Variants in NSMCE2 observed in about 807,000 individuals in gnomAD.
NSMCE2 encodes E3 SUMO-protein ligase NSE2.
NSMCE2 carries 24 observed loss-of-function variants against 23.8 expected under a neutral mutation model. The ratio of observed to expected loss-of-function variants is 1.01; its 90% CI spans 0.73 to 1.42. The LOEUF (loss-of-function observed/expected upper bound fraction) is 1.42. Ranked by LOEUF, NSMCE2 falls within the 40% of genes most tolerant of loss-of-function variation. The probability of loss-of-function intolerance (pLI) is 0.00; values close to 1 mark genes in which losing one functional copy is unlikely to be tolerated. For missense variants in NSMCE2, 284 were observed against 296.5 expected (o/e 0.96, Z 0.31); for synonymous variants, 92 against 94.1 (o/e 0.98, Z 0.13).
chr8:125,358,234 G>C (rs534521052), intron 7 of NSMCE2, among the ~76,000 whole-genome samples: 15 of 152,002 alleles, frequency 9.9e-5, no homozygotes, highest in Admixed American at 7.2e-4. Context: ...TCGGGAGGCT[G>C]AGGCAGGATA....
chr8:125,110,116 C>T (rs934151656), intron 3 of NSMCE2, among the ~76,000 whole-genome samples: 2 of 151,074 alleles, frequency 1.3e-5, no homozygotes, highest in African/African-American at 4.8e-5. Flanking sequence ...TAATGTACCT[C>T]AAAGATGTAA....
intron 4 of NSMCE2, among the ~76,000 whole-genome samples, chr8:125,159,045 T>C (rs1306583467): frequency 6.6e-6 from 1 of 152,188 alleles, no homozygotes; most frequent in African/African-American, 2.4e-5. Flanking sequence ...AGCACCTCAT[T>C]CTGAGTTGTG....
chr8:125,156,724 A>G (rs1261462297), intron 4 of NSMCE2, among the ~76,000 whole-genome samples: 3 of 152,216 alleles, frequency 2.0e-5, no homozygotes, highest in Non-Finnish European at 4.4e-5. Flanking sequence ...AACCAAAGCA[A>G]TCTTAGATAT....
chr8:125,171,402 T>G lies in NSMCE2; in HGVS notation c.265-10701T>G, dbSNP rs369446234. On this transcript the variant is annotated intron_variant, in intron 4 of 7. Coordinates refer to ENST00000287437, the MANE Select transcript of NSMCE2 (RefSeq NM_173685.4). ...CTTAGCGATATAACAGACCTGCTAA[T>G]GCAGTCAGTCCTAGCTCCAATACTG... is the stretch of plus-strand genomic sequence containing the variant. Among the ~76,000 whole-genome samples, 14 of 152,224 alleles carry G rather than the reference T, an allele frequency of 9.2e-5. 1 individual carries two copies. The highest frequency in any genetic ancestry group is 5.2e-4 in the Admixed American group (8 of 15,282).
At chr8:125,352,131 T>C (rs1813061161) in intron 5 of NSMCE2, among the ~76,000 whole-genome samples, 1 of 152,210 alleles carries the variant, frequency 6.6e-6, no homozygotes, top group Non-Finnish European at 1.5e-5. Flanking sequence ...ATGACGTGCT[T>C]AGCACTGTAG....
At chr8:125,123,465 G>A (rs1333606285) in intron 3 of NSMCE2, among the ~76,000 whole-genome samples, 1 of 152,212 alleles carries the variant, frequency 6.6e-6, no homozygotes, top group Non-Finnish European at 1.5e-5. Context: ...CTATGAAAAT[G>A]AAGGAGACAC....
chr8:125,177,898 A>C (rs994674338), intron 4 of NSMCE2, among the ~76,000 whole-genome samples: 2 of 152,142 alleles, frequency 1.3e-5, no homozygotes, highest in African/African-American at 4.8e-5. Flanking sequence ...ACTTCACTTC[A>C]AAGTCTTACA....
intron 5 of NSMCE2, among the ~76,000 whole-genome samples, chr8:125,246,959 C>A (rs7010992): frequency 0.09 from 13,630 of 151,816 alleles, 1,370 homozygotes; most frequent in African/African-American, 0.25. Context: ...AACCAATCTC[C>A]AGTATACTAT....
intron 3 of NSMCE2, among the ~76,000 whole-genome samples, chr8:125,120,648 A>T (rs557246248): frequency 6.6e-6 from 1 of 152,304 alleles, no homozygotes; most frequent in East Asian, 1.9e-4. Context: ...GCTATAAACA[A>T]TTAGGCCTGT....
intron 5 of NSMCE2, among the ~76,000 whole-genome samples, chr8:125,314,895 T>C (rs1057019615): frequency 2.0e-5 from 3 of 152,052 alleles, no homozygotes; most frequent in Non-Finnish European, 4.4e-5. Flanking sequence ...AGCAGAGAAG[T>C]AAACAAAGCG....
chr8:125,155,742 A>G (rs564008186), intron 4 of NSMCE2, among the ~76,000 whole-genome samples: 1 of 152,296 alleles, frequency 6.6e-6, no homozygotes, highest in Non-Finnish European at 1.5e-5. Context: ...GTGGGCTTCA[A>G]ATTGCTCAGG....
intron 3 of NSMCE2, among the ~76,000 whole-genome samples, chr8:125,107,233 C>G (rs1818509174): frequency 7.3e-6 from 1 of 136,428 alleles, no homozygotes; most frequent in Non-Finnish European, 1.5e-5. Flanking sequence ...CTGTCCCAGG[C>G]TATAGTGCAG....
intron 3 of NSMCE2, among the ~76,000 whole-genome samples, chr8:125,143,878 T>C (rs34461511): frequency 0.066 from 10,093 of 152,218 alleles, 434 homozygotes; most frequent in South Asian, 0.15. Context: ...AAAGAAGTTT[T>C]GTAGACCCAT....
At chr8:125,257,522 CTTTTT>C (rs1174718163) in intron 5 of NSMCE2, among the ~76,000 whole-genome samples, 47 of 84,628 alleles carry the variant, frequency 5.6e-4, no homozygotes, top group Non-Finnish European at 7.3e-4. Flanking sequence ...CCAAATTTCT[CTTTTT>C]TTTTTTTTTT....
At chr8:125,113,068 G>GA (rs1563657425) in intron 3 of NSMCE2, among the ~76,000 whole-genome samples, 1 of 128,324 alleles carries the variant, frequency 7.8e-6, no homozygotes, top group Admixed American at 7.9e-5. Flanking sequence ...GGGGGGGGGG[G>GA]TGAGTCAATA....
At chr8:125,286,774 CAAAA>C (rs11403131) in intron 5 of NSMCE2, among the ~76,000 whole-genome samples, 5 of 131,620 alleles carry the variant, frequency 3.8e-5, no homozygotes, top group Non-Finnish European at 6.4e-5. Flanking sequence ...AAGCCTAGAG[CAAAA>C]AAAAAAAAAA....
chr8:125,326,821 T>C (rs1393339160), intron 5 of NSMCE2, among the ~76,000 whole-genome samples: 1 of 151,352 alleles, frequency 6.6e-6, no homozygotes, highest in African/African-American at 2.4e-5. Context: ...CCGGTCGTGG[T>C]GGCGGGCACT....
intron 5 of NSMCE2, among the ~76,000 whole-genome samples, chr8:125,324,335 C>A (rs913667442): frequency 1.3e-5 from 2 of 151,946 alleles, no homozygotes; most frequent in African/African-American, 2.4e-5. Context: ...AGCATGTGCC[C>A]GCAGAAAGAC....
At chr8:125,213,657 T>C (rs28551025) in intron 5 of NSMCE2, among the ~76,000 whole-genome samples, 3 of 148,826 alleles carry the variant, frequency 2.0e-5, no homozygotes, top group African/African-American at 7.5e-5. Context: ...CTTTCTCTGT[T>C]TCTCTCTCTT....
Sources: allele counts gnomAD v4.1 joint callset (sites outside exome capture counted in the v4.1 genomes callset), GRCh38; gene constraint gnomAD v4.1.1; transcripts MANE v1.5; gene names NCBI Gene and HGNC (gene_info 2026-07-23, HGNC 2026-07-21).